The following TEX15 variants were observed in gnomAD, a reference collection of about 807,000 sequenced individuals.
TEX15 encodes the protein testis expressed 15, meiosis and synapsis associated, also known as testis-expressed protein 15.
In TEX15, 171 loss-of-function variants were observed where a neutral mutation model predicts 237.3. The observed-to-expected ratio is 0.72, with a 90% CI of 0.64 to 0.82. TEX15 has a LOEUF of 0.82. Ranked by LOEUF, TEX15 falls within the 40% of genes least tolerant of loss-of-function variation. TEX15 has a pLI of 0.00. For synonymous variants in TEX15, 1,338 were observed against 1,269.8 expected, an observed-to-expected ratio of 1.05 and a Z score of -1.14; for missense variants, 3,750 against 3,646.5, an observed-to-expected ratio of 1.03 and a Z score of -0.73.
At chr8:30,907,445 A>G (rs56134772) in intron 1 of TEX15, among the ~76,000 whole-genome samples, 1 of 147,946 alleles carries the variant, frequency 6.8e-6, no homozygotes, top group Non-Finnish European at 1.5e-5. Context: ...TATATATACA[A>G]TGTATATATA....
At chr8:30,876,332 C>T (rs1262168461) in intron 3 of TEX15, among the ~76,000 whole-genome samples, 1 of 152,164 alleles carries the variant, frequency 6.6e-6, no homozygotes, top group South Asian at 2.1e-4. Context: ...GCATCTATCA[C>T]CTTTTGAAAT....
Position 30,846,954 on chromosome 8 carries a change from A to G in TEX15, c.3213T>C (p.Ala1071=), listed in dbSNP as rs1189462773. Residue 1071 remains alanine, a synonymous_variant, in exon 8 of 11, where the codon GCT becomes GCC. Coordinates refer to ENST00000643185, the MANE Select transcript of TEX15 (RefSeq NM_001350162.2). ...TATGTGTATCTTGTTGAAATATAAA[A>G]GCATCATCACAATCTTCTAATTCTA... ...IEIELEDCDD[A]FIFQQDTHSH... is the part of the protein sequence containing the mutation. The G allele has an allele frequency of 6.2e-7, 1 of 1,613,654 alleles. No individual in the cohort carries two copies. The highest frequency in any genetic ancestry group is 8.5e-7 in the Non-Finnish European group (1 of 1,179,748).
intron 6 of TEX15, among the ~76,000 whole-genome samples, chr8:30,859,640 G>A (rs1239880186): frequency 6.6e-6 from 1 of 152,066 alleles, no homozygotes; most frequent in Non-Finnish European, 1.5e-5. Flanking sequence ...TTGTTTAAAT[G>A]AGAAGTTGGT....
In TEX15 at chr8:30,844,659, C is replaced by T; in HGVS notation, c.5508G>A (p.Lys1836=). The T allele has an allele frequency of 6.2e-7, 1 of 1,613,354 alleles. No individual in the cohort carries two copies. Among genetic ancestry groups the T allele is most frequent in the Non-Finnish European group, 8.5e-7 (1 of 1,179,604 alleles). The change falls in exon 8 of 11, where the codon AAG becomes AAA. Residue 1836 remains lysine (K), a synonymous_variant. Transcript: ENST00000643185. ...ACGTTATTCTGTCCTCAGTGTCTTT[C>T]TTCACAATACATGTTTCTGAAGAGG... is the stretch of plus-strand genomic sequence containing the variant. The part of the protein sequence containing the change: ...KGSSSETCIV[K]KDTEDRITWK...
chr8:30,854,197 G>C (rs1438324275), intron 7 of TEX15, among the ~76,000 whole-genome samples: 1 of 149,668 alleles, frequency 6.7e-6, no homozygotes, highest in Non-Finnish European at 1.5e-5. Context: ...AACCAAAATT[G>C]GTTCTTTGAA....
chr8:30,844,870 A>G lies in TEX15; in HGVS notation c.5297T>C (p.Leu1766Pro). The G allele has an allele frequency of 6.2e-7, 1 of 1,613,426 alleles. No individual in the cohort carries two copies. The highest frequency in any genetic ancestry group is 8.5e-7 in the Non-Finnish European group (1 of 1,179,556). ...TGAAGAGCACTGTTCTGTCTTTAGA[A>G]GCTCTTTTTCTCTACAGCTCTGCTC... is the stretch of plus-strand genomic sequence containing the variant. ...HCEQSCREKE[L>P]LKTEQCSSGN... Residue 1766 changes from leucine (L) to proline (P), a missense_variant, in exon 8 of 11, where the codon CTT (leucine) becomes CCT (proline). Transcript: ENST00000643185.
At position 30,842,401 on chromosome 8, in the gene TEX15, T is replaced by C. The variant is rs144652648; in HGVS notation, c.7766A>G (p.Asn2589Ser). Residue 2589 changes from asparagine to serine, a missense_variant, in exon 8 of 11, where the codon AAT (asparagine) becomes AGT (serine). By Grantham distance (46) the Asn-to-Ser change is conservative. Transcript: ENST00000643185. Reference protein sequence around the residue: ...STVTELEYNYNQFSTLLKNVM... With the variant: ...STVTELEYNYSQFSTLLKNVM... ...ATTCTTCAGCAGTGTAGAAAATTGA[T>C]TGTAGTTGTATTCTAACTCTGTCAC... 29 of 1,613,604 alleles carry C rather than the reference T, an allele frequency of 1.8e-5. No individual in the cohort carries two copies. Among genetic ancestry groups the C allele is most frequent in the Middle Eastern group, 1.6e-4 (1 of 6,076 alleles).
chr8:30,836,722 T>C, intron 10 of TEX15, 81 bp downstream of exon 10: 2 of 1,257,096 alleles, frequency 1.6e-6, no homozygotes, highest in South Asian at 2.9e-5. Context: ...AACTCATCAC[T>C]TACTGTGAAT....
At chr8:30,878,329 A>G (rs1481829323) in intron 3 of TEX15, among the ~76,000 whole-genome samples, 1 of 152,066 alleles carries the variant, frequency 6.6e-6, no homozygotes, top group Non-Finnish European at 1.5e-5. Context: ...TTTGTTTGCC[A>G]GAGAAAAATG....
Position 30,844,951 on chromosome 8 carries a change from T to G in TEX15, c.5216A>C (p.Lys1739Thr), listed in dbSNP as rs771212573. ...AGAATCTACAGTAAGAATTCTCTGC[T>G]TATCCAAGTAAGATTTTGAAGATTC... ...EGESSKSYLDKQRILTVDSFA... is the reference protein window; with the variant it reads ...EGESSKSYLDTQRILTVDSFA... The change falls in exon 8 of 11, where the codon AAG becomes ACG. Residue 1739 changes from lysine (K) to threonine (T), a missense_variant. Transcript: ENST00000643185. 2.9e-5 allele frequency: 46 copies of G among 1,613,452 alleles called. No individual in the cohort carries two copies. The highest frequency in any genetic ancestry group is 2.1e-4 in the South Asian group (19 of 91,074).
chr8:30,866,690 CT>C (rs1424140125), intron 5 of TEX15, among the ~76,000 whole-genome samples: 2 of 151,474 alleles, frequency 1.3e-5, no homozygotes, highest in Admixed American at 1.3e-4. Context: ...TACATGGTGG[CT>C]ATTTTCTTCT....
intron 2 of TEX15, among the ~76,000 whole-genome samples, chr8:30,887,949 A>AT (rs1808698830): frequency 1.5e-5 from 2 of 130,040 alleles, no homozygotes; most frequent in Non-Finnish European, 3.3e-5. Flanking sequence ...TTTCTAATGC[A>AT]TTTTTTCCTC....
In TEX15 at chr8:30,848,080, G is replaced by C; in HGVS notation, c.2087C>G (p.Ser696Cys). 6.2e-7 allele frequency: 1 copy of C among 1,611,072 alleles called. No individual in the cohort carries two copies. The highest frequency in any genetic ancestry group is 1.1e-5 in the South Asian group (1 of 90,466). Reference sequence around the variant, plus strand: ...TAGTTCATCCTTATCCTTTATGGTAGATGTAGAAGATTTTGTTATTTCTAA... The same window carrying C: ...TAGTTCATCCTTATCCTTTATGGTACATGTAGAAGATTTTGTTATTTCTAA... ...QELEITKSST[S>C]TIKDKDELDH... The change falls in exon 8 of 11, where the codon TCT becomes TGT. Residue 696 changes from serine to cysteine, a missense_variant. By Grantham distance (112) the Ser-to-Cys change is moderately radical. Coordinates refer to ENST00000643185, the MANE Select transcript of TEX15 (RefSeq NM_001350162.2).
chr8:30,889,165 A>C (rs1808729998), intron 2 of TEX15, among the ~76,000 whole-genome samples: 1 of 152,256 alleles, frequency 6.6e-6, no homozygotes, highest in Admixed American at 6.5e-5. Flanking sequence ...TCAAAGCACA[A>C]TCCTCAATAC....
rs1411108233 is a variant in TEX15 at position 30,848,054 on chromosome 8, C to G, written c.2113G>C (p.Asp705His). 6.2e-7 allele frequency: 1 copy of G among 1,613,776 alleles called. No homozygotes were observed. The highest frequency in any genetic ancestry group is 1.7e-5 in the Admixed American group (1 of 60,020). Residue 705 changes from aspartate to histidine, a missense_variant, in exon 8 of 11, where the codon GAT becomes CAT. Coordinates refer to ENST00000643185, the MANE Select transcript of TEX15 (RefSeq NM_001350162.2). ...TSTIKDKDEL[D>H]HLALEWQITP... ...ATTTGCCATTCCAATGCTAGATGAT[C>G]TAGTTCATCCTTATCCTTTATGGTA... is the stretch of plus-strand genomic sequence containing the variant.
intron 1 of TEX15, among the ~76,000 whole-genome samples, chr8:30,908,421 A>C (rs1809153702): frequency 6.6e-6 from 1 of 152,164 alleles, no homozygotes; most frequent in Non-Finnish European, 1.5e-5. Flanking sequence ...TAATGTTTTC[A>C]TCTATGTATA....
At chr8:30,838,890 A>G (rs1340396251) in intron 9 of TEX15, among the ~76,000 whole-genome samples, 1 of 144,360 alleles carries the variant, frequency 6.9e-6, no homozygotes. Flanking sequence ...ATCTCAGCTC[A>G]CTGCAACCTC....
chr8:30,876,812 G>C (rs1286532342), intron 3 of TEX15, among the ~76,000 whole-genome samples: 1 of 152,148 alleles, frequency 6.6e-6, no homozygotes, highest in Non-Finnish European at 1.5e-5. Flanking sequence ...ATCTCATCTT[G>C]TAGTTCCCAT....
intron 1 of TEX15, among the ~76,000 whole-genome samples, chr8:30,903,195 G>A (rs1809038184): frequency 6.6e-6 from 1 of 152,110 alleles, no homozygotes; most frequent in South Asian, 2.1e-4. Flanking sequence ...AAAATTTGGG[G>A]CAGGCTCTCC....
Sources: gnomAD v4.1 joint callset for allele counts (sites outside exome capture counted in the v4.1 genomes callset) on GRCh38, gnomAD v4.1.1 for gene constraint, MANE v1.5 for transcripts, NCBI Gene and HGNC (gene_info 2026-07-23, HGNC 2026-07-21) for gene names.